The following CHD7 variants were observed in gnomAD, a reference collection of about 807,000 sequenced individuals.
CHD7 encodes the protein chromodomain helicase DNA binding protein 7.
A neutral mutation model predicts 307.3 loss-of-function variants in CHD7; 24 were observed. The observed-to-expected ratio is 0.08, with a 90% CI of 0.06 to 0.11. CHD7 has a LOEUF of 0.11. Ranked by LOEUF, CHD7 falls within the 10% of genes least tolerant of loss-of-function variation. The pLI, the probability that CHD7 is intolerant of heterozygous loss-of-function variation, is 1.00. For synonymous variants in CHD7, 1,363 were observed against 1,349.9 expected, an observed-to-expected ratio of 1.01 and a Z score of -0.21; for missense variants, 3,106 against 3,727.1, an observed-to-expected ratio of 0.83 and a Z score of 4.34.
chr8:60,719,832 A>C (rs931204969), intron 1 of CHD7, among the ~76,000 whole-genome samples: 3 of 152,220 alleles, frequency 2.0e-5, no homozygotes, highest in Admixed American at 6.5e-5. Context: ...TGTGAGGGTT[A>C]TCAGCTAGCA....
intron 1 of CHD7, among the ~76,000 whole-genome samples, chr8:60,711,947 G>T (rs1807301697): frequency 6.6e-6 from 1 of 152,206 alleles, no homozygotes; most frequent in Non-Finnish European, 1.5e-5. Context: ...GTTGATTATA[G>T]AGAGCCTTGA....
At chr8:60,722,361 G>T (rs1807951173) in intron 1 of CHD7, among the ~76,000 whole-genome samples, 1 of 152,116 alleles carries the variant, frequency 6.6e-6, no homozygotes, top group African/African-American at 2.4e-5. Flanking sequence ...GTAGTTGAAA[G>T]GTCTTTTTTT....
Position 60,853,441 on chromosome 8 carries a change from A to G in CHD7, c.6716A>G (p.Glu2239Gly), listed in dbSNP as rs760569636. The change falls in exon 31 of 38, where the codon GAG becomes GGG. Residue 2239 changes from glutamate (E) to glycine (G), a missense_variant. This residue lies in a region of CHD7 where 1,030 missense variants were observed against 1,165.4 expected (regional missense o/e 0.88). Coordinates refer to ENST00000423902, the MANE Select transcript of CHD7 (RefSeq NM_017780.4). ...SKSISEKGSE[E>G]DEEEKLEDDD... is the part of the protein sequence containing the mutation. ...TCTATTTCAGAGAAAGGTTCCGAAG[A>G]GGATGAAGAGGAAAAGCTGGAGGAT... 2 of 1,519,730 alleles carry G rather than the reference A, an allele frequency of 1.3e-6. No individual in the cohort carries two copies. Among genetic ancestry groups the G allele is most frequent in the Non-Finnish European group, 1.8e-6 (2 of 1,137,308 alleles). The allele number at this position is 1,519,730 out of a possible 1,614,324, so 94.1% of individuals were successfully genotyped here. A position where few individuals can be genotyped will look rare whatever the true frequency, so the allele number is the denominator to read the frequency against.
In CHD7 at chr8:60,848,539, G is replaced by T; in HGVS notation, c.5235G>T (p.Leu1745=). 1 of 1,613,674 alleles carries T rather than the reference G, an allele frequency of 6.2e-7. No homozygotes were observed. The highest frequency in any genetic ancestry group is 8.5e-7 in the Non-Finnish European group (1 of 1,179,716). Residue 1745 remains leucine, a synonymous_variant, in exon 24 of 38, where the codon CTG becomes CTT. Coordinates refer to ENST00000423902, the MANE Select transcript of CHD7 (RefSeq NM_017780.4). ...CNKVLLRVRM[L]YYLRQEVIGD... The stretch of plus-strand genomic sequence containing the variant: ...GGGTCCTGCTGCGTGTCCGCATGCT[G>T]TACTACCTAAGACAAGAAGTGATAG...
intron 1 of CHD7, among the ~76,000 whole-genome samples, chr8:60,733,768 A>G (rs1808572489): frequency 1.3e-5 from 2 of 148,754 alleles, no homozygotes; most frequent in Non-Finnish European, 3.0e-5. Flanking sequence ...ATGAAGGAAC[A>G]AAAGAACAGC....
intron 1 of CHD7, among the ~76,000 whole-genome samples, chr8:60,735,997 A>G (rs1179146530): frequency 1.3e-5 from 2 of 152,220 alleles, no homozygotes; most frequent in Non-Finnish European, 1.5e-5. Flanking sequence ...CAGCACCGTC[A>G]TAGAGTATTG....
intron 1 of CHD7, among the ~76,000 whole-genome samples, chr8:60,719,737 G>T (rs537558491): frequency 5.6e-4 from 86 of 152,318 alleles, no homozygotes; most frequent in African/African-American, 2.0e-3. Flanking sequence ...AAGGAGCAGA[G>T]AGTCCATTGT....
At chr8:60,693,737 G>A (rs1435908037) in intron 1 of CHD7, among the ~76,000 whole-genome samples, 1 of 152,216 alleles carries the variant, frequency 6.6e-6, no homozygotes, top group Admixed American at 6.5e-5. Context: ...AGGCACTGGC[G>A]GGACACCGTG....
chr8:60,823,394 TATAGATAGATAGATAG>T (rs34150494), intron 12 of CHD7, among the ~76,000 whole-genome samples: 291 of 145,548 alleles, frequency 2.0e-3, no homozygotes, highest in South Asian at 6.8e-3. Flanking sequence ...TTTTGCTATA[TATAGATAGATAGATAG>T]ATAGATAGAT....
Position 60,742,929 on chromosome 8 carries a change from A to G in CHD7, c.1497A>G (p.Gln499=), listed in dbSNP as rs747432681. 1.9e-6 allele frequency: 3 copies of G among 1,613,214 alleles called. No individual in the cohort carries two copies. The South Asian group carries it at 3.3e-5, about 18-fold the overall frequency. Residue 499 remains glutamine (Q), a synonymous_variant, in exon 2 of 38, where the codon CAA becomes CAG. Transcript: ENST00000423902. ...TCCAGGAACGACTGATACCTGGCCA[A>G]CAACATCCTGGTCAACAGCCATCTT... ...QAIQERLIPG[Q]QHPGQQPSFQ...
chr8:60,805,819 A>C (rs532468481), intron 6 of CHD7, among the ~76,000 whole-genome samples: 28 of 152,296 alleles, frequency 1.8e-4, no homozygotes, highest in African/African-American at 6.7e-4. Flanking sequence ...TAACATATAT[A>C]TCAGTTATAT....
chr8:60,798,195 C>T (rs1454511972), intron 4 of CHD7, among the ~76,000 whole-genome samples: 2 of 152,078 alleles, frequency 1.3e-5, no homozygotes, highest in Non-Finnish European at 2.9e-5. Context: ...TGGCAGAATA[C>T]TCTGCTGGAA....
At chr8:60,828,955 C>T (rs1448600662) in intron 14 of CHD7, 149 bp downstream of exon 14, 1 of 690,854 alleles carries the variant, frequency 1.4e-6, no homozygotes, top group African/African-American at 1.8e-5. Flanking sequence ...CTTGGACTTT[C>T]CAGGTCATCA....
intron 23 of CHD7, among the ~76,000 whole-genome samples, chr8:60,847,552 A>G (rs866600587): frequency 6.6e-6 from 1 of 152,206 alleles, no homozygotes; most frequent in Non-Finnish European, 1.5e-5. Context: ...CAGCTGGGGA[A>G]ATAGCATTTG....
chr8:60,726,826 G>A (rs1199504303), intron 1 of CHD7, among the ~76,000 whole-genome samples: 1 of 152,140 alleles, frequency 6.6e-6, no homozygotes, highest in Non-Finnish European at 1.5e-5. Context: ...CACATCCACT[G>A]CTGATTTCCT....
At chr8:60,837,331 AAAC>A (rs903168664) in intron 17 of CHD7, among the ~76,000 whole-genome samples, 2 of 152,224 alleles carry the variant, frequency 1.3e-5, no homozygotes, top group Non-Finnish European at 2.9e-5. Context: ...TGGGTGGCTT[AAAC>A]AACAGACATT....
intron 7 of CHD7, chr8:60,809,683 A>AG (rs1812703079): frequency 1.3e-5 from 2 of 151,160 alleles, no homozygotes; most frequent in Non-Finnish European, 3.0e-5. Context: ...AAAAAAAAAA[A>AG]AAAAAAAAAA....
rs372892726 is a variant in CHD7 at position 60,732,724 on chromosome 8, C to A, written c.-174-8535C>A. Among the ~76,000 whole-genome samples the A allele has an allele frequency of 4.6e-5, 7 of 152,276 alleles. No homozygotes were observed. The East Asian group carries it at 1.4e-3, about 29-fold the overall frequency. On this transcript the variant is annotated intron_variant, in intron 1 of 37. Coordinates refer to ENST00000423902, the MANE Select transcript of CHD7 (RefSeq NM_017780.4). ...ATATTTTATAATATTAAGCAAGATA[C>A]ATACTAGCAATCAGCAAATTTTGTA... is the stretch of plus-strand genomic sequence containing the variant.
chr8:60,687,725 C>T (rs1805980926), intron 1 of CHD7, among the ~76,000 whole-genome samples: 1 of 152,204 alleles, frequency 6.6e-6, no homozygotes, highest in South Asian at 2.1e-4. Flanking sequence ...TTCATTTCCT[C>T]ATCAGAGCAA....
Sources: allele counts gnomAD v4.1 joint callset (sites outside exome capture counted in the v4.1 genomes callset), GRCh38; gene constraint gnomAD v4.1.1; regional missense constraint gnomAD v4.1.1; transcripts MANE v1.5; gene names NCBI Gene and HGNC (gene_info 2026-07-23, HGNC 2026-07-21).